The following IL1RL1 variants were observed in gnomAD, a reference collection of about 807,000 sequenced individuals.
IL1RL1 encodes interleukin-1 receptor-like 1.
In IL1RL1, 32 loss-of-function variants were observed where a neutral mutation model predicts 50.9. The ratio of observed to expected loss-of-function variants is 0.63; its 90% confidence interval spans 0.47 to 0.84. The LOEUF (loss-of-function observed/expected upper bound fraction) is 0.84. IL1RL1 is among the 40% of genes least tolerant of loss of function. IL1RL1 has a pLI of 0.00. For synonymous variants in IL1RL1, 275 were observed against 236.0 expected (o/e 1.17, Z -1.51); for missense variants, 773 against 662.9 (o/e 1.17, Z -1.82).
At chr2:102,349,592 C>A (rs550222105) in intron 10 of IL1RL1, among the ~76,000 whole-genome samples, 1 of 152,264 alleles carries the variant, frequency 6.6e-6, no homozygotes, top group East Asian at 1.9e-4. Flanking sequence ...TGAAAGAGGA[C>A]TTAAAAATTG....
intron 8 of IL1RL1, chr2:102,344,659 T>C: frequency 1.7e-6 from 1 of 597,480 alleles, no homozygotes; most frequent in Non-Finnish European, 2.1e-6. Context: ...CTTAGTGCAA[T>C]ACCTGGCAGC....
In IL1RL1 at chr2:102,351,815, C is replaced by A. The variant is rs2105003370; in HGVS notation, c.1565C>A (p.Ser522Tyr). 1.9e-6 allele frequency: 3 copies of A among 1,614,024 alleles called. No homozygotes were observed. Among genetic ancestry groups the A allele is most frequent in the South Asian group, 2.2e-5 (2 of 91,078 alleles). Residue 522 changes from serine (S) to tyrosine (Y), a missense_variant, in exon 11 of 11, where the codon TCC (serine) becomes TAC (tyrosine). Coordinates refer to ENST00000233954, the MANE Select transcript of IL1RL1 (RefSeq NM_016232.5). ...WREDHIANKR[S>Y]LNSKFWKHVR... Reference sequence around the variant, plus strand: ...GAGGACCACATTGCCAATAAAAGGTCCCTGAATTCTAAATTCTGGAAGCAC... The same window carrying A: ...GAGGACCACATTGCCAATAAAAGGTACCTGAATTCTAAATTCTGGAAGCAC...
chr2:102,348,981 A>C (rs1573163619), intron 9 of IL1RL1, 98 bp from the exon 10 acceptor site: 1 of 874,602 alleles, frequency 1.1e-6, no homozygotes, highest in East Asian at 2.4e-5. Context: ...ACATACATTC[A>C]CCAACAGCCA....
chr2:102,323,108 G>A (rs1676881733), intron 1 of IL1RL1, among the ~76,000 whole-genome samples: 1 of 151,714 alleles, frequency 6.6e-6, no homozygotes, highest in South Asian at 2.1e-4. Flanking sequence ...TTTGGATTAT[G>A]TTTAATTTTT....
intron 1 of IL1RL1, among the ~76,000 whole-genome samples, chr2:102,337,767 C>T (rs1205703026): frequency 6.6e-6 from 1 of 151,776 alleles, no homozygotes; most frequent in Admixed American, 6.6e-5. Flanking sequence ...TCACATGATA[C>T]ATTTTATTTT....
intron 1 of IL1RL1, among the ~76,000 whole-genome samples, chr2:102,330,935 A>G (rs1396668530): frequency 2.0e-5 from 3 of 152,150 alleles, no homozygotes; most frequent in African/African-American, 7.2e-5. Flanking sequence ...ATTTTTCTGT[A>G]TAATATGAGG....
chr2:102,312,560 A>C (rs1207800057), intron 1 of IL1RL1, among the ~76,000 whole-genome samples: 1 of 152,100 alleles, frequency 6.6e-6, no homozygotes, highest in Non-Finnish European at 1.5e-5. Flanking sequence ...GATGGAGATG[A>C]AGGAAAAAAA....
downstream of IL1RL1, chr2:102,352,060 T>C: frequency 1.1e-6 from 1 of 890,828 alleles, no homozygotes; most frequent in Non-Finnish European, 1.7e-6. Context: ...GTAACTTTCC[T>C]TCCATTTCCC....
intron 8 of IL1RL1, chr2:102,345,509 C>T: frequency 3.0e-6 from 3 of 985,326 alleles, no homozygotes; most frequent in Non-Finnish European, 3.6e-6. Context: ...GAGTTCCCAC[C>T]CATGTGTGTG....
intron 10 of IL1RL1, among the ~76,000 whole-genome samples, chr2:102,349,539 C>T (rs1286323516): frequency 6.6e-6 from 1 of 152,120 alleles, no homozygotes; most frequent in Admixed American, 6.5e-5. Context: ...CTTGGTCCCC[C>T]ACCAGGATAA....
Position 102,351,883 on chromosome 2 carries a change from G to T in IL1RL1, c.1633G>T (p.Ala545Ser). 2 of 1,613,624 alleles carry T rather than the reference G, an allele frequency of 1.2e-6. No individual in the cohort carries two copies. The highest frequency in any genetic ancestry group is 1.7e-6 in the Non-Finnish European group (2 of 1,179,784). The change falls in exon 11 of 11, where the codon GCC (alanine) becomes TCC (serine). Residue 545 changes from alanine (A) to serine (S), a missense_variant. Coordinates refer to ENST00000233954, the MANE Select transcript of IL1RL1 (RefSeq NM_016232.5). ...MPVPSKIPRKASSLTPLAAQK... is the reference protein window; with the variant it reads ...MPVPSKIPRKSSSLTPLAAQK... ...TGTGCCAAGCAAAATTCCCAGAAAG[G>T]CCTCTAGTTTGACTCCCTTGGCTGC...
At chr2:102,318,857 G>A (rs1218999154) in intron 1 of IL1RL1, among the ~76,000 whole-genome samples, 1 of 152,098 alleles carries the variant, frequency 6.6e-6, no homozygotes, top group Non-Finnish European at 1.5e-5. Context: ...GGTAATTGAC[G>A]ATATTGATAA....
chr2:102,338,313 GC>G lies in IL1RL1; in HGVS notation c.50del (p.Ala17GlufsTer16). On this transcript the variant is annotated frameshift_variant, in exon 2 of 11. Transcript: ENST00000233954. LOFTEE classifies it high-confidence loss of function. ...TCTCACAATTCTCATGTATTCCACA[GC>G]AGCAAAGTTTAGTAAGTATTGCCTT... ...AILTILMYST[A>X]AKFSKQSWGL... The G allele has an allele frequency of 6.3e-7, 1 of 1,594,972 alleles. No individual in the cohort carries two copies. The highest frequency in any genetic ancestry group is 8.6e-7 in the Non-Finnish European group (1 of 1,165,076).
rs569077668 is a variant in IL1RL1, at chr2:102,347,800, C to T, written c.971-145C>T. The T allele has an allele frequency of 8.5e-6, 5 of 585,990 alleles. No homozygotes were observed. In the East Asian group the frequency reaches 1.4e-4, roughly 17 times the overall value. The allele number at this position is 585,990 out of a possible 1,614,324, so 36.3% of individuals were successfully genotyped here. ...TAGAGGCTCAATAAATGTGACTGTC[C>T]TGGTACTTAAAGCAGCCATGAAAAT... On this transcript the variant is annotated intron_variant, in intron 8 of 10. Coordinates refer to ENST00000233954, the MANE Select transcript of IL1RL1 (RefSeq NM_016232.5).
rs975955627 is a variant in IL1RL1, at chr2:102,340,305, A to G, written c.447+33A>G. On this transcript the variant is annotated intron_variant, in intron 4 of 10. Transcript: ENST00000233954. ...GAAATTTGGAAGGAAATAGATGAAA[A>G]TTACACAATTAAAATAGACACAAGT... 3 of 1,536,898 alleles carry G rather than the reference A, an allele frequency of 2.0e-6. No homozygotes were observed. In the African/African-American group the frequency reaches 4.2e-5, roughly 21 times the overall value.
intron 1 of IL1RL1, among the ~76,000 whole-genome samples, chr2:102,332,848 A>AG (rs1382606355): frequency 2.6e-5 from 4 of 151,768 alleles, no homozygotes; most frequent in Non-Finnish European, 4.4e-5. Context: ...TCAGAAGCAA[A>AG]AAAAGAACAG....
chr2:102,346,863 T>C (rs1029102950), intron 8 of IL1RL1, among the ~76,000 whole-genome samples: 1 of 152,232 alleles, frequency 6.6e-6, no homozygotes, highest in African/African-American at 2.4e-5. Context: ...TGGGAGCCCA[T>C]GCATGGAGAC....
At chr2:102,345,843 G>A (rs1199146475) in intron 8 of IL1RL1, 2 of 985,304 alleles carry the variant, frequency 2.0e-6, no homozygotes, top group African/African-American at 1.7e-5. Flanking sequence ...TGCTTGGGGT[G>A]GTGGTGGGCC....
rs554570691 is a variant in IL1RL1, at chr2:102,341,126, T to C, written c.610+298T>C. Reference sequence around the variant, plus strand: ...CAATCTGAATGCTAACTTAACTTACTTTTTTTGAATGGCAATACAACTATT... The same window carrying C: ...CAATCTGAATGCTAACTTAACTTACCTTTTTTGAATGGCAATACAACTATT... On this transcript the variant is annotated intron_variant, in intron 5 of 10. Transcript: ENST00000233954. 27 of 978,714 alleles carry C rather than the reference T, an allele frequency of 2.8e-5. No individual in the cohort carries two copies. In the East Asian group the frequency reaches 7.1e-4, roughly 26 times the overall value. 60.6% of individuals were successfully genotyped at this position (978,714 alleles called of 1,614,324 possible).
Sources: gnomAD v4.1 joint callset for allele counts (sites outside exome capture counted in the v4.1 genomes callset) on GRCh38, gnomAD v4.1.1 for gene constraint, MANE v1.5 for transcripts, NCBI Gene and HGNC (gene_info 2026-07-23, HGNC 2026-07-21) for gene names.